The following B3GALT1 variants were observed in gnomAD, a reference collection of about 807,000 sequenced individuals.
B3GALT1 encodes beta-1,3-galactosyltransferase 1, also known as UDP-Gal:betaGlcNAc beta 1,3-galactosyltransferase, polypeptide 1.
In B3GALT1, 10 loss-of-function variants were observed where a neutral mutation model predicts 23.2. That is an observed-to-expected ratio of 0.43 (90% confidence interval 0.27 to 0.73). The LOEUF is 0.73. Among genes scored for constraint, B3GALT1 ranks in the 30% least tolerant of loss-of-function variants. The pLI, the probability that B3GALT1 is intolerant of heterozygous loss-of-function variation, is 0.21. For synonymous variants in B3GALT1, 156 were observed against 141.5 expected (o/e 1.10, Z -0.73); for missense variants, 299 against 405.4 (o/e 0.74, Z 2.25).
At chr2:167,309,306 C>G (rs1488835393) in intron 1 of B3GALT1, among the ~76,000 whole-genome samples, 1 of 151,806 alleles carries the variant, frequency 6.6e-6, no homozygotes, top group Non-Finnish European at 1.5e-5. Flanking sequence ...AGGGCTAGTT[C>G]TAAGCTAAAT....
At chr2:167,537,045 C>T (rs542023055) in intron 2 of B3GALT1, among the ~76,000 whole-genome samples, 1 of 152,248 alleles carries the variant, frequency 6.6e-6, no homozygotes, top group Admixed American at 6.5e-5. Context: ...AGTCTGTTCT[C>T]ACACTGCTAA....
intron 1 of B3GALT1, among the ~76,000 whole-genome samples, chr2:167,458,213 T>A (rs1699200729): frequency 6.6e-6 from 1 of 152,224 alleles, no homozygotes; most frequent in Admixed American, 6.5e-5. Context: ...CTTATAGTAT[T>A]TGTCTTTTTG....
chr2:167,428,089 G>A (rs943844896), intron 1 of B3GALT1, among the ~76,000 whole-genome samples: 4 of 152,292 alleles, frequency 2.6e-5, no homozygotes, highest in African/African-American at 9.6e-5. Context: ...GCCACTAAGT[G>A]TTATCGAGCC....
chr2:167,820,386 G>C (rs925716806), intron 4 of B3GALT1, among the ~76,000 whole-genome samples: 12 of 152,150 alleles, frequency 7.9e-5, no homozygotes, highest in African/African-American at 2.9e-4. Flanking sequence ...GCACATGAAA[G>C]GACCAGATAA....
At chr2:167,741,604 G>A (rs1687577909) in intron 3 of B3GALT1, among the ~76,000 whole-genome samples, 1 of 152,094 alleles carries the variant, frequency 6.6e-6, no homozygotes, top group South Asian at 2.1e-4. Flanking sequence ...CAATGCCAGT[G>A]ATAAAAATAC....
At chr2:167,369,081 G>T (rs1429677346) in intron 1 of B3GALT1, among the ~76,000 whole-genome samples, 2 of 12,148 alleles carry the variant, frequency 1.6e-4, no homozygotes, top group Non-Finnish European at 2.2e-3. Flanking sequence ...GTGTGTGTGT[G>T]TGTGTGTGTG....
At chr2:167,826,561 G>A (rs920022552) in intron 4 of B3GALT1, among the ~76,000 whole-genome samples, 4 of 152,238 alleles carry the variant, frequency 2.6e-5, no homozygotes, top group Admixed American at 2.0e-4. Flanking sequence ...GTCAGGAATG[G>A]GGTGAGTGTA....
intron 2 of B3GALT1, among the ~76,000 whole-genome samples, chr2:167,580,185 C>T (rs757530914): frequency 2.6e-5 from 4 of 152,074 alleles, no homozygotes; most frequent in Admixed American, 6.6e-5. Context: ...TATGCTTGGG[C>T]TCTTACTGAA....
chr2:167,636,413 G>A (rs1008274770), intron 2 of B3GALT1, among the ~76,000 whole-genome samples: 4 of 152,008 alleles, frequency 2.6e-5, no homozygotes, highest in Non-Finnish European at 5.9e-5. Flanking sequence ...CAACCATTGT[G>A]GAAGACAGTG....
At chr2:167,435,681 A>G (rs1698773223) in intron 1 of B3GALT1, among the ~76,000 whole-genome samples, 1 of 152,020 alleles carries the variant, frequency 6.6e-6, no homozygotes, top group South Asian at 2.1e-4. Flanking sequence ...TACATAGACG[A>G]CTTTAAAATG....
chr2:167,310,483 A>C (rs1292352994), intron 1 of B3GALT1, among the ~76,000 whole-genome samples: 1 of 152,092 alleles, frequency 6.6e-6, no homozygotes, highest in Non-Finnish European at 1.5e-5. Flanking sequence ...GGGTTAAATG[A>C]GGGCCAACCC....
chr2:167,340,156 A>G (rs899074486), intron 1 of B3GALT1, among the ~76,000 whole-genome samples: 2 of 152,158 alleles, frequency 1.3e-5, no homozygotes, highest in African/African-American at 4.8e-5. Context: ...CATGAGATCA[A>G]TAAATGAGAG....
chr2:167,471,421 G>A (rs1699417049), intron 1 of B3GALT1, among the ~76,000 whole-genome samples: 1 of 152,102 alleles, frequency 6.6e-6, no homozygotes, highest in Admixed American at 6.6e-5. Context: ...TACCCCCATT[G>A]AAAATGAAAG....
intron 3 of B3GALT1, among the ~76,000 whole-genome samples, chr2:167,693,409 A>G (rs1574216351): frequency 6.6e-6 from 1 of 152,090 alleles, no homozygotes; most frequent in Non-Finnish European, 1.5e-5. Flanking sequence ...CCCCGTAGGA[A>G]AAGATTCAGT....
At chr2:167,678,951 T>G (rs1016651618) in intron 3 of B3GALT1, among the ~76,000 whole-genome samples, 1 of 152,174 alleles carries the variant, frequency 6.6e-6, no homozygotes, top group Non-Finnish European at 1.5e-5. Flanking sequence ...TATGCACTTC[T>G]ATTTCTATTT....
chr2:167,545,257 G>C (rs566088471), intron 2 of B3GALT1, among the ~76,000 whole-genome samples: 5 of 151,840 alleles, frequency 3.3e-5, no homozygotes, highest in African/African-American at 1.2e-4. Context: ...GGATGGTCTT[G>C]ATCTTCTGAC....
At chr2:167,775,411 A>G (rs1453819844) in intron 3 of B3GALT1, among the ~76,000 whole-genome samples, 1 of 152,056 alleles carries the variant, frequency 6.6e-6, no homozygotes, top group African/African-American at 2.4e-5. Context: ...TCTACTGTAA[A>G]TACAAAAATT....
At chr2:167,444,698 G>T (rs1436279024) in intron 1 of B3GALT1, among the ~76,000 whole-genome samples, 1 of 152,034 alleles carries the variant, frequency 6.6e-6, no homozygotes, top group Admixed American at 6.5e-5. Context: ...TATTACTGTG[G>T]GATTGGTGGT....
intron 1 of B3GALT1, among the ~76,000 whole-genome samples, chr2:167,383,489 T>C (rs1044817970): frequency 2.0e-5 from 3 of 152,158 alleles, no homozygotes; most frequent in African/African-American, 7.2e-5. Flanking sequence ...GTCACTGACC[T>C]TCCTGAGCTC....
Sources: allele counts gnomAD v4.1 joint callset (sites outside exome capture counted in the v4.1 genomes callset), GRCh38; gene constraint gnomAD v4.1.1; transcripts MANE v1.5; gene names NCBI Gene and HGNC (gene_info 2026-07-23, HGNC 2026-07-21).